The following SAMD12 variants were observed in gnomAD, a reference collection of about 807,000 sequenced individuals.
SAMD12 encodes sterile alpha motif domain-containing protein 12.
Under a neutral mutation model 15.0 loss-of-function variants are expected in SAMD12, and 9 were observed. That is an observed-to-expected ratio of 0.60 (90% CI 0.36 to 1.05). The LOEUF (loss-of-function observed/expected upper bound fraction) is 1.05. Among genes scored for constraint, SAMD12 ranks in the 50% least tolerant of loss-of-function variants. The probability of loss-of-function intolerance (pLI) is 0.01; values close to 1 mark genes in which losing one functional copy is unlikely to be tolerated. For missense variants in SAMD12, 230 were observed against 234.2 expected, an observed-to-expected ratio of 0.98 and a Z score of 0.12; for synonymous variants, 86 against 90.1, an observed-to-expected ratio of 0.96 and a Z score of 0.25.
intron 2 of SAMD12, among the ~76,000 whole-genome samples, chr8:118,562,683 T>C (rs1223167140): frequency 6.6e-6 from 1 of 152,226 alleles, no homozygotes; most frequent in Non-Finnish European, 1.5e-5. Context: ...AATCACAGCA[T>C]GCACGATGCA....
intron 4 of SAMD12, among the ~76,000 whole-genome samples, chr8:118,320,678 G>GGGT (rs1554631051): frequency 1.4e-5 from 2 of 147,368 alleles, no homozygotes; most frequent in African/African-American, 5.1e-5. Flanking sequence ...GGGGTGGGGG[G>GGGT]GGTGGGGAGG....
intron 2 of SAMD12, among the ~76,000 whole-genome samples, chr8:118,549,854 C>T (rs1327382696): frequency 6.6e-6 from 1 of 152,098 alleles, no homozygotes; most frequent in Non-Finnish European, 1.5e-5. Context: ...GAGCTGAAAG[C>T]CAAGGCTCCA....
chr8:118,542,253 C>T (rs567706962), intron 2 of SAMD12, among the ~76,000 whole-genome samples: 2 of 152,238 alleles, frequency 1.3e-5, no homozygotes, highest in South Asian at 4.2e-4. Flanking sequence ...AAAAGATACT[C>T]TTTCTTTGAG....
intron 3 of SAMD12, among the ~76,000 whole-genome samples, chr8:118,393,332 T>C (rs961343038): frequency 2.6e-5 from 4 of 152,106 alleles, no homozygotes; most frequent in African/African-American, 4.8e-5. Context: ...TCTGGAACTA[T>C]AGGTGCACAC....
chr8:118,452,012 G>A (rs1227842010), intron 2 of SAMD12, among the ~76,000 whole-genome samples: 1 of 152,028 alleles, frequency 6.6e-6, no homozygotes, highest in Non-Finnish European at 1.5e-5. Context: ...AAGGTTAAAT[G>A]AATTCATAAA....
At chr8:118,407,855 A>G (rs987960787) in intron 3 of SAMD12, among the ~76,000 whole-genome samples, 4 of 152,180 alleles carry the variant, frequency 2.6e-5, no homozygotes, top group Admixed American at 2.0e-4. Flanking sequence ...CATGGATCAC[A>G]GACTCATTTT....
chr8:118,513,380 T>C (rs6982583), intron 2 of SAMD12, among the ~76,000 whole-genome samples: 101 of 152,340 alleles, frequency 6.6e-4, no homozygotes, highest in African/African-American at 2.3e-3. Flanking sequence ...CAGGAAAAGC[T>C]GTGGGGATTG....
chr8:118,408,716 T>G (rs945070079), intron 3 of SAMD12, among the ~76,000 whole-genome samples: 1 of 152,100 alleles, frequency 6.6e-6, no homozygotes, highest in African/African-American at 2.4e-5. Flanking sequence ...CAAACAAAGA[T>G]CAAAAGGCCA....
chr8:118,212,025 G>A (rs1030395662), intron 4 of SAMD12, among the ~76,000 whole-genome samples: 7 of 151,962 alleles, frequency 4.6e-5, no homozygotes, highest in Non-Finnish European at 8.8e-5. Flanking sequence ...GCTTCCTCAT[G>A]TGTAAAAGGA....
chr8:118,431,677 T>C (rs926756515), intron 3 of SAMD12, among the ~76,000 whole-genome samples: 1 of 145,804 alleles, frequency 6.9e-6, no homozygotes, highest in African/African-American at 2.6e-5. Flanking sequence ...TTTCAAAATT[T>C]TACCTTTGTC....
downstream of SAMD12, among the ~76,000 whole-genome samples, chr8:118,373,381 G>A (rs1020158200): frequency 4.6e-5 from 7 of 152,108 alleles, no homozygotes; most frequent in African/African-American, 1.4e-4. Context: ...GAAAGGTGGT[G>A]GACCAGATGG....
At chr8:118,448,417 T>G (rs1370128816) in intron 2 of SAMD12, among the ~76,000 whole-genome samples, 4 of 152,336 alleles carry the variant, frequency 2.6e-5, no homozygotes, top group East Asian at 3.9e-4. Flanking sequence ...ACAAGGGTCT[T>G]TCTTAATTTG....
intron 4 of SAMD12, chr8:118,284,551 T>C (rs748429675): frequency 2.7e-5 from 9 of 337,312 alleles, no homozygotes; most frequent in Admixed American, 8.1e-5. Flanking sequence ...GAAATGGTGA[T>C]GTGAAATTCA....
chr8:118,304,966 T>C (rs996699977), intron 4 of SAMD12, among the ~76,000 whole-genome samples: 5 of 149,052 alleles, frequency 3.4e-5, no homozygotes, highest in East Asian at 4.0e-4. Context: ...CTGGCCAACA[T>C]TGTAAAACCC....
chr8:118,197,094 C>T (rs1418954718), exon 5 of SAMD12: 1 of 151,798 alleles, frequency 6.6e-6, no homozygotes, highest in Non-Finnish European at 1.5e-5. Context: ...AAAAAAAAAC[C>T]ACTAAGATTT....
chr8:118,524,744 G>A (rs969076647), intron 2 of SAMD12, among the ~76,000 whole-genome samples: 1 of 152,068 alleles, frequency 6.6e-6, no homozygotes, highest in Non-Finnish European at 1.5e-5. Context: ...CAATTGCTCA[G>A]GCCAAAACCT....
At chr8:118,226,465 G>T (rs1812190399) in intron 4 of SAMD12, among the ~76,000 whole-genome samples, 1 of 152,138 alleles carries the variant, frequency 6.6e-6, no homozygotes, top group East Asian at 1.9e-4. Flanking sequence ...ATCCTCCTTT[G>T]ATAGCAAGCT....
the SAMD12 span, among the ~76,000 whole-genome samples, chr8:118,177,772 A>C: frequency 7.0e-3 from 1,059 of 152,354 alleles, 17 homozygotes; most frequent in African/African-American, 0.024. Context: ...ATTAGAAATT[A>C]AAAACTGAGA....
chr8:118,238,939 T>C (rs1812499107), intron 4 of SAMD12, among the ~76,000 whole-genome samples: 1 of 152,066 alleles, frequency 6.6e-6, no homozygotes, highest in Non-Finnish European at 1.5e-5. Context: ...CATAACAACA[T>C]TATACCAATA....
Sources: allele counts gnomAD v4.1 joint callset (sites outside exome capture counted in the v4.1 genomes callset), GRCh38; gene constraint gnomAD v4.1.1; transcripts MANE v1.5; gene names NCBI Gene and HGNC (gene_info 2026-07-23, HGNC 2026-07-21).